The following ANXA13 variants were observed in gnomAD, a reference collection of about 807,000 sequenced individuals.
The protein encoded by ANXA13 is annexin A13.
A neutral mutation model predicts 46.6 loss-of-function variants in ANXA13; 36 were observed. The ratio of observed to expected loss-of-function variants is 0.77; its 90% CI spans 0.59 to 1.02. The LOEUF (loss-of-function observed/expected upper bound fraction) is 1.02. Among genes scored for constraint, ANXA13 ranks in the 50% least tolerant of loss-of-function variants. ANXA13 has a pLI of 0.00. For synonymous variants in ANXA13, 163 were observed against 152.9 expected, an observed-to-expected ratio of 1.07 and a Z score of -0.49; for missense variants, 417 against 396.5, an observed-to-expected ratio of 1.05 and a Z score of -0.44.
chr8:123,681,164 T>C lies in ANXA13; in HGVS notation c.*76A>G. 6.6e-7 allele frequency: 1 copy of C among 1,513,900 alleles called. No homozygotes were observed. The highest frequency in any genetic ancestry group is 8.9e-7 in the Non-Finnish European group (1 of 1,128,182). The allele number at this position is 1,513,900 out of a possible 1,614,324, so 93.8% of individuals were successfully genotyped here. A position where few individuals can be genotyped will look rare whatever the true frequency, so the allele number is the denominator to read the frequency against. ...TCTTAAGGGTTTTCGTGCGGGAGTC[T>C]CATTTGCAAGTTTGATTTGGAATGT... On this transcript the variant is annotated 3_prime_UTR_variant, in exon 11 of 11. Transcript: ENST00000419625.
intron 1 of ANXA13, among the ~76,000 whole-genome samples, chr8:123,713,739 G>A (rs966291166): frequency 2.0e-5 from 3 of 152,138 alleles, no homozygotes; most frequent in African/African-American, 4.8e-5. Flanking sequence ...TGTCAACCAG[G>A]CTGGAGTGAA....
chr8:123,706,601 A>G (rs1262173163), intron 2 of ANXA13, among the ~76,000 whole-genome samples: 1 of 152,162 alleles, frequency 6.6e-6, no homozygotes, highest in African/African-American at 2.4e-5. Flanking sequence ...CAGCAGAACT[A>G]TGGATACCAC....
At position 123,688,928 on chromosome 8, in the gene ANXA13, CTA is replaced by C. The variant is rs771567427; in HGVS notation, c.659_660del (p.Ile220ArgfsTer5). The C allele has an allele frequency of 3.7e-6, 6 of 1,613,732 alleles. No homozygotes were observed. The highest frequency in any genetic ancestry group is 1.1e-5 in the South Asian group (1 of 91,076). ...QAYQILIGKD[I>X]EEAIEEETSG... ...GATGTTTCTTCTTCAATGGCTTCTT[CTA>C]TGTCTTTGCCAATGAGCTGCAGCGA... On this transcript the variant is annotated frameshift_variant, in exon 9 of 11. Transcript: ENST00000419625. LOFTEE classifies it high-confidence loss of function.
chr8:123,708,955 A>C (rs1160671907), intron 2 of ANXA13, among the ~76,000 whole-genome samples: 1 of 152,236 alleles, frequency 6.6e-6, no homozygotes, highest in African/African-American at 2.4e-5. Context: ...GGGCTCACCC[A>C]GGTAATCCAG....
intron 2 of ANXA13, among the ~76,000 whole-genome samples, chr8:123,704,803 T>C (rs1813510850): frequency 6.6e-6 from 1 of 152,216 alleles, no homozygotes; most frequent in Non-Finnish European, 1.5e-5. Context: ...GGTTCTTGAT[T>C]GGCCTGTATT....
At chr8:123,703,467 T>C (rs1813484340) in intron 2 of ANXA13, among the ~76,000 whole-genome samples, 1 of 152,094 alleles carries the variant, frequency 6.6e-6, no homozygotes, top group Non-Finnish European at 1.5e-5. Context: ...AACTGTTGAA[T>C]TGAACACTTT....
intron 2 of ANXA13, among the ~76,000 whole-genome samples, chr8:123,703,143 G>A (rs1295481844): frequency 6.6e-6 from 1 of 151,994 alleles, no homozygotes; most frequent in African/African-American, 2.4e-5. Flanking sequence ...CAAAATATGG[G>A]GTATCCATAC....
chr8:123,685,211 T>C (rs1325688447), intron 9 of ANXA13, among the ~76,000 whole-genome samples: 1 of 152,188 alleles, frequency 6.6e-6, no homozygotes, highest in East Asian at 1.9e-4. Flanking sequence ...GCAAGCCTCA[T>C]CTCTGAACCT....
chr8:123,714,776 C>T (rs1342715460), intron 1 of ANXA13, among the ~76,000 whole-genome samples: 1 of 152,226 alleles, frequency 6.6e-6, no homozygotes, highest in African/African-American at 2.4e-5. Context: ...AGAAAGGGGA[C>T]TGACATTGTT....
At chr8:123,724,804 G>A (rs1217791633) in intron 1 of ANXA13, among the ~76,000 whole-genome samples, 1 of 152,196 alleles carries the variant, frequency 6.6e-6, no homozygotes, top group Admixed American at 6.5e-5. Flanking sequence ...TAATCCAGGG[G>A]TTGGCAAACT....
chr8:123,730,622 C>T (rs903535247), intron 1 of ANXA13, among the ~76,000 whole-genome samples: 1 of 152,138 alleles, frequency 6.6e-6, no homozygotes, highest in Non-Finnish European at 1.5e-5. Flanking sequence ...AGTTAAGGAT[C>T]TCAAAATGAA....
chr8:123,728,947 A>G (rs779313582), intron 1 of ANXA13: 2 of 152,092 alleles, frequency 1.3e-5, no homozygotes, highest in Non-Finnish European at 2.9e-5. Context: ...CTCCCTTTCT[A>G]TCTGATTTTC....
chr8:123,735,691 C>T (rs1205017221), intron 1 of ANXA13: 1 of 1,482,716 alleles, frequency 6.7e-7, no homozygotes, highest in Non-Finnish European at 9.0e-7. Context: ...ACTGGGGGCT[C>T]ATATTGGCCC....
In ANXA13 at chr8:123,698,563, C is replaced by T. The variant is rs1813388723; in HGVS notation, c.187-4G>A. ...TCTTGAGTACTTCCTCCAGCTCCTA[C>T]CAGAAGACAGTGAGAGACGTGCTGG... On this transcript the variant is annotated splice_polypyrimidine_tract_variant and splice_region_variant and intron_variant, in intron 3 of 10. Coordinates refer to ENST00000419625, the MANE Select transcript of ANXA13 (RefSeq NM_004306.4). 6.2e-7 allele frequency: 1 copy of T among 1,613,614 alleles called. No homozygotes were observed. Among genetic ancestry groups the T allele is most frequent in the African/African-American group, 1.3e-5 (1 of 74,936 alleles).
chr8:123,698,597 C>T, intron 3 of ANXA13, 38 bp from the exon 4 acceptor site: 2 of 1,605,272 alleles, frequency 1.2e-6, no homozygotes, highest in Non-Finnish European at 1.7e-6. Context: ...GGGAATGGCC[C>T]AGGAGGAGAG....
intron 4 of ANXA13, 77 bp from the exon 5 acceptor site, chr8:123,695,798 G>T: frequency 2.3e-6 from 3 of 1,302,724 alleles, no homozygotes; most frequent in Admixed American, 1.8e-5. Context: ...AGAAGAGGCG[G>T]GAGACCATGT....
chr8:123,722,076 G>A (rs1427976010), intron 1 of ANXA13, among the ~76,000 whole-genome samples: 2 of 152,094 alleles, frequency 1.3e-5, no homozygotes, highest in East Asian at 1.9e-4. Context: ...AGGCCAAGGC[G>A]GGAGGATTGC....
chr8:123,727,917 A>AAAG (rs781734290), intron 1 of ANXA13: 2 of 152,180 alleles, frequency 1.3e-5, no homozygotes, highest in Non-Finnish European at 2.9e-5. Context: ...ATTTTTTTGC[A>AAAG]AAGAAACCCA....
chr8:123,687,906 A>T (rs1256765592), intron 9 of ANXA13, among the ~76,000 whole-genome samples: 2 of 152,190 alleles, frequency 1.3e-5, no homozygotes, highest in Admixed American at 1.3e-4. Flanking sequence ...CCTGGAGAGG[A>T]GGTCCTGGGG....
Sources: gnomAD v4.1 joint callset for allele counts (sites outside exome capture counted in the v4.1 genomes callset) on GRCh38, gnomAD v4.1.1 for gene constraint, MANE v1.5 for transcripts, NCBI Gene and HGNC (gene_info 2026-07-23, HGNC 2026-07-21) for gene names.